NCOA2: variants seen among roughly 807,000 people sequenced by gnomAD.
NCOA2 encodes the protein class E basic helix-loop-helix protein 75.
A neutral mutation model predicts 145.1 loss-of-function variants in NCOA2; 21 were observed. That is an observed-to-expected ratio of 0.14 (90% CI 0.10 to 0.21). The LOEUF is 0.21. Ranked by LOEUF, NCOA2 falls within the 10% of genes least tolerant of loss-of-function variation. The pLI, the probability that NCOA2 is intolerant of heterozygous loss-of-function variation, is 1.00. For missense variants in NCOA2, 1,472 were observed against 1,837.6 expected (o/e 0.80, Z 3.64); for synonymous variants, 619 against 637.5 (o/e 0.97, Z 0.44).
intron 1 of NCOA2, among the ~76,000 whole-genome samples, chr8:70,343,691 G>A (rs192520002): frequency 2.0e-4 from 30 of 151,924 alleles, no homozygotes; most frequent in African/African-American, 6.5e-4. Context: ...GCGGGTGCCT[G>A]TAATCCCAGC....
chr8:70,435,424 C>CAAAAAAAAAAAAAAAA, the NCOA2 span, among the ~76,000 whole-genome samples: 4 of 20,154 alleles, frequency 2.0e-4, no homozygotes, highest in Admixed American at 7.3e-4. Context: ...GACTCCGTCT[C>CAAAAAAAAAAAAAAAA]AAAAAAAAAA....
chr8:70,404,120 T>C (rs1814643939), upstream of NCOA2, among the ~76,000 whole-genome samples: 2 of 151,674 alleles, frequency 1.3e-5, no homozygotes, highest in South Asian at 4.2e-4. Flanking sequence ...GTCGGCAGAG[T>C]CCTCTGAGAA....
chr8:70,135,646 T>C (rs1809644546), intron 15 of NCOA2, among the ~76,000 whole-genome samples: 1 of 152,116 alleles, frequency 6.6e-6, no homozygotes. Flanking sequence ...ACTAACACAA[T>C]GAAGAAATTA....
Position 70,156,541 on chromosome 8 carries a change from C to T in NCOA2, c.1824G>A (p.Glu608=). The T allele has an allele frequency of 6.2e-7, 1 of 1,613,886 alleles. No homozygotes were observed. Among genetic ancestry groups the T allele is most frequent in the Non-Finnish European group, 8.5e-7 (1 of 1,179,870 alleles). ...GGTTGGGGTCATTTGTTTCCTTTTG[C>T]TCTCCAGGATGGCAGCTGCTCTCTG... ...GQAESSCHPG[E]QKETNDPNLP... Residue 608 remains glutamate (E), a synonymous_variant, in exon 11 of 23, where the codon GAG becomes GAA. Coordinates refer to ENST00000452400, the MANE Select transcript of NCOA2 (RefSeq NM_006540.4).
chr8:70,391,935 C>A (rs1383535898), intron 1 of NCOA2, among the ~76,000 whole-genome samples: 1 of 152,194 alleles, frequency 6.6e-6, no homozygotes, highest in Non-Finnish European at 1.5e-5. Flanking sequence ...GATTTTAAGA[C>A]AATGCACTTT....
chr8:70,336,703 G>C (rs1807629771), intron 1 of NCOA2, among the ~76,000 whole-genome samples: 1 of 151,994 alleles, frequency 6.6e-6, no homozygotes, highest in African/African-American at 2.4e-5. Context: ...AACTACAAGG[G>C]GGAAATCCAC....
intron 4 of NCOA2, among the ~76,000 whole-genome samples, chr8:70,205,607 A>G (rs950071559): frequency 3.3e-5 from 5 of 151,198 alleles, no homozygotes; most frequent in Non-Finnish European, 5.9e-5. Flanking sequence ...CTGAGAGGGG[A>G]AAAAAAAAGA....
the NCOA2 span, among the ~76,000 whole-genome samples, chr8:70,419,641 T>A: frequency 6.6e-6 from 1 of 152,174 alleles, no homozygotes; most frequent in Non-Finnish European, 1.5e-5. Flanking sequence ...CATATACTTT[T>A]ATTGCTTACT....
chr8:70,401,839 C>T (rs534943878), intron 1 of NCOA2: 7 of 152,376 alleles, frequency 4.6e-5, no homozygotes, highest in African/African-American at 1.2e-4. Flanking sequence ...AGGACATGAT[C>T]ACTACAGCAT....
At chr8:70,142,426 C>T (rs1351989950) in intron 13 of NCOA2, among the ~76,000 whole-genome samples, 4 of 152,122 alleles carry the variant, frequency 2.6e-5, no homozygotes, top group Non-Finnish European at 2.9e-5. Flanking sequence ...AGGCCAGGCG[C>T]GGTGGCTCAT....
At chr8:70,275,007 CAATTA>C (rs1212775691) in intron 2 of NCOA2, among the ~76,000 whole-genome samples, 9 of 152,116 alleles carry the variant, frequency 5.9e-5, no homozygotes, top group African/African-American at 1.7e-4. Context: ...ATTTACACTA[CAATTA>C]AATATATTAA....
intron 1 of NCOA2, among the ~76,000 whole-genome samples, chr8:70,403,482 C>T (rs894528535): frequency 6.6e-6 from 1 of 151,504 alleles, no homozygotes; most frequent in Non-Finnish European, 1.5e-5. Flanking sequence ...CCCCCAAGCC[C>T]CAACTCCCCA....
chr8:70,350,320 C>G (rs968610808), intron 1 of NCOA2, among the ~76,000 whole-genome samples: 1 of 152,156 alleles, frequency 6.6e-6, no homozygotes, highest in South Asian at 2.1e-4. Context: ...AAATATACCA[C>G]TGAAAACTAT....
intron 1 of NCOA2, among the ~76,000 whole-genome samples, chr8:70,314,180 CAAAAAAAAAAAAAAAAAAA>C (rs61028027): frequency 5.8e-5 from 1 of 17,202 alleles, no homozygotes; most frequent in Admixed American, 1.1e-3. Flanking sequence ...ACTCTGACTC[CAAAAAAAAAAAAAAAAAAA>C]AAAAAAAAAG....
chr8:70,175,744 T>C (rs1158582163), intron 4 of NCOA2, among the ~76,000 whole-genome samples: 1 of 152,234 alleles, frequency 6.6e-6, no homozygotes, highest in African/African-American at 2.4e-5. Context: ...AACGTGACAA[T>C]TATTTGTACT....
intron 1 of NCOA2, among the ~76,000 whole-genome samples, chr8:70,376,350 T>A (rs1161158035): frequency 1.3e-5 from 2 of 151,692 alleles, no homozygotes; most frequent in Non-Finnish European, 2.9e-5. Context: ...TTTTACACAG[T>A]GGCCCAGTAC....
Position 70,221,076 on chromosome 8 carries a change from T to C in NCOA2, c.-19-4312A>G, listed in dbSNP as rs530890267. On this transcript the variant is annotated intron_variant, in intron 2 of 22. Transcript: ENST00000452400. The stretch of plus-strand genomic sequence containing the variant: ...TGAAGAGGACCTGCCTGATAAATCA[T>C]CTAGCTCTTGTTATGAGAACAGAAA... Among the ~76,000 whole-genome samples, 28 of 152,328 alleles carry C rather than the reference T, an allele frequency of 1.8e-4. No individual in the cohort carries two copies. In the South Asian group the frequency reaches 5.8e-3, roughly 32 times the overall value.
the NCOA2 span, among the ~76,000 whole-genome samples, chr8:70,432,779 G>C: frequency 6.6e-6 from 1 of 152,032 alleles, no homozygotes; most frequent in Non-Finnish European, 1.5e-5. Flanking sequence ...CTTTTTAATG[G>C]TAATTTCATG....
chr8:70,265,212 T>C (rs1490295663), intron 2 of NCOA2, among the ~76,000 whole-genome samples: 1 of 152,172 alleles, frequency 6.6e-6, no homozygotes, highest in African/African-American at 2.4e-5. Flanking sequence ...TTAGTGTCCA[T>C]GTAAGAGACC....
Sources: gnomAD v4.1 joint callset for allele counts (sites outside exome capture counted in the v4.1 genomes callset) on GRCh38, gnomAD v4.1.1 for gene constraint, MANE v1.5 for transcripts, NCBI Gene and HGNC (gene_info 2026-07-23, HGNC 2026-07-21) for gene names.